CYREN: variants seen among roughly 807,000 people sequenced by gnomAD.
The protein encoded by CYREN is cell cycle regulator of NHEJ, also known as cell cycle regulator of non-homologous end joining.
Under a neutral mutation model 9.7 loss-of-function variants are expected in CYREN, and 7 were observed. The ratio of observed to expected loss-of-function variants is 0.72; its 90% confidence interval spans 0.41 to 1.36. The LOEUF is 1.36. Among genes scored for constraint, CYREN ranks in the 40% most tolerant of loss-of-function variants. CYREN has a pLI of 0.01. For missense variants in CYREN, 215 were observed against 198.1 expected (o/e 1.09, Z -0.51); for synonymous variants, 76 against 77.9 (o/e 0.98, Z 0.13).
chr7:135,140,440 T>C (rs1407055395), intron 2 of CYREN, among the ~76,000 whole-genome samples: 1 of 152,180 alleles, frequency 6.6e-6, no homozygotes, highest in African/African-American at 2.4e-5. Context: ...TGAAGTTGCT[T>C]AGCAGATCTA....
chr7:135,129,614 T>C (rs1248263665), intron 2 of CYREN: 2 of 775,306 alleles, frequency 2.6e-6, no homozygotes, highest in African/African-American at 1.7e-5. Context: ...TCACTGATCC[T>C]GCTTCAACAT....
At chr7:135,153,890 T>C (rs1485635480) in intron 2 of CYREN, among the ~76,000 whole-genome samples, 2 of 152,214 alleles carry the variant, frequency 1.3e-5, no homozygotes, top group Admixed American at 6.5e-5. Context: ...CTCCTTGATT[T>C]TTTAATAGTT....
exon 3 of CYREN, chr7:135,094,365 T>G: frequency 2.2e-6 from 1 of 456,702 alleles, no homozygotes; most frequent in East Asian, 6.9e-5. Context: ...GAGTCACTGC[T>G]GAGATCTGCT....
At chr7:135,171,521 C>T (rs910267146), upstream of CYREN, among the ~76,000 whole-genome samples, 12 of 124,250 alleles carry the variant, frequency 9.7e-5, no homozygotes, top group South Asian at 3.3e-4. Flanking sequence ...CCCTGACCAT[C>T]GGTGCATGCA....
intron 2 of CYREN, among the ~76,000 whole-genome samples, chr7:135,117,906 A>G (rs1307343944): frequency 1.3e-5 from 2 of 152,162 alleles, no homozygotes; most frequent in African/African-American, 4.8e-5. Flanking sequence ...ATCTTTCTCT[A>G]TACTTTGGAA....
At chr7:135,138,500 T>G (rs550333092) in intron 2 of CYREN, among the ~76,000 whole-genome samples, 2 of 152,056 alleles carry the variant, frequency 1.3e-5, no homozygotes, top group South Asian at 4.1e-4. Context: ...TCATTGTAAA[T>G]GTATCCTGTA....
chr7:135,137,570 T>G (rs1488920381), intron 2 of CYREN, among the ~76,000 whole-genome samples: 4 of 150,972 alleles, frequency 2.6e-5, no homozygotes, highest in Non-Finnish European at 5.9e-5. Context: ...ACCAAAAAAA[T>G]CAAAGACCAA....
Position 135,122,164 on chromosome 7 carries a change from A to G in CYREN, n.357-27582T>C, listed in dbSNP as rs1336360302. On this transcript the variant is annotated intron_variant and non_coding_transcript_variant, in intron 2 of 2. Transcript: ENST00000459937. Reference sequence around the variant, plus strand: ...CCTGGGTGGTGGAAGGGCATCATCCATCTCTATAGCTCCAGGCTGTGCTTT... The same window carrying G: ...CCTGGGTGGTGGAAGGGCATCATCCGTCTCTATAGCTCCAGGCTGTGCTTT... Among the ~76,000 whole-genome samples the G allele has an allele frequency of 2.6e-5, 4 of 152,264 alleles. No homozygotes were observed. In the South Asian group the frequency reaches 6.2e-4, roughly 24 times the overall value.
At chr7:135,122,501 C>T (rs932731526) in intron 2 of CYREN, among the ~76,000 whole-genome samples, 1 of 152,150 alleles carries the variant, frequency 6.6e-6, no homozygotes, top group Non-Finnish European at 1.5e-5. Flanking sequence ...AGTGGGTTTC[C>T]CCCCAGCGAA....
chr7:135,158,520 G>C (rs1829850112), intron 2 of CYREN, among the ~76,000 whole-genome samples: 1 of 152,254 alleles, frequency 6.6e-6, no homozygotes, highest in African/African-American at 2.4e-5. Flanking sequence ...TGGCAGGGCA[G>C]GGGGTCTTGT....
chr7:135,122,736 G>C (rs1473679292), intron 2 of CYREN, among the ~76,000 whole-genome samples: 1 of 152,140 alleles, frequency 6.6e-6, no homozygotes, highest in Non-Finnish European at 1.5e-5. Context: ...CCAGGCCCAG[G>C]AGTGAACCAG....
At chr7:135,111,569 C>A (rs116369038) in intron 2 of CYREN, among the ~76,000 whole-genome samples, 1 of 151,530 alleles carries the variant, frequency 6.6e-6, no homozygotes, top group East Asian at 2.0e-4. Context: ...ATGTTGTACA[C>A]GTCTGTTTTT....
At chr7:135,129,321 G>A (rs768794831) in intron 2 of CYREN, 132 of 1,302,416 alleles carry the variant, frequency 1.0e-4, no homozygotes, top group Non-Finnish European at 1.4e-4. Context: ...TCCATGTAAG[G>A]TGACTGCAGA....
intron 2 of CYREN, among the ~76,000 whole-genome samples, chr7:135,140,107 T>C (rs1296862070): frequency 6.6e-6 from 1 of 152,124 alleles, no homozygotes; most frequent in South Asian, 2.1e-4. Context: ...GTAAAAAATA[T>C]TGTAGTTTGA....
intron 2 of CYREN, among the ~76,000 whole-genome samples, chr7:135,096,584 C>CATACATAGATAGATAGATAGATAG (rs1822811727): frequency 2.3e-5 from 2 of 88,816 alleles, no homozygotes; most frequent in Non-Finnish European, 4.8e-5. Flanking sequence ...TAGATAGATA[C>CATACATAGATAGATAGATAGATAG]ATAGATAGAT....
At chr7:135,162,895 G>A (rs1554389945), downstream of CYREN, among the ~76,000 whole-genome samples, 2 of 152,206 alleles carry the variant, frequency 1.3e-5, no homozygotes, top group Non-Finnish European at 2.9e-5. Flanking sequence ...TTTTAAAAGA[G>A]TATAACAAAG....
At chr7:135,109,242 G>T (rs1023809466) in intron 2 of CYREN, among the ~76,000 whole-genome samples, 1 of 152,192 alleles carries the variant, frequency 6.6e-6, no homozygotes, top group East Asian at 1.9e-4. Context: ...TCATTTGAAG[G>T]ACATAAGACA....
downstream of CYREN, chr7:135,164,835 G>A (rs772909323): frequency 6.2e-7 from 1 of 1,613,938 alleles, no homozygotes; most frequent in Non-Finnish European, 8.5e-7. Flanking sequence ...AGGCGGCCTG[G>A]GCCTCTTCCT....
chr7:135,136,285 T>C (rs1829343432), intron 2 of CYREN, among the ~76,000 whole-genome samples: 1 of 152,102 alleles, frequency 6.6e-6, no homozygotes, highest in South Asian at 2.1e-4. Flanking sequence ...TTGAGTGGTC[T>C]ACTCTCAACA....
Sources: allele counts gnomAD v4.1 joint callset (sites outside exome capture counted in the v4.1 genomes callset), GRCh38; gene constraint gnomAD v4.1.1; transcripts MANE v1.5; gene names NCBI Gene and HGNC (gene_info 2026-07-23, HGNC 2026-07-21).